Variants in RAD52 observed in about 807,000 individuals in gnomAD.
RAD52 encodes RAD52 DNA repair protein.
A neutral mutation model predicts 55.5 loss-of-function variants in RAD52; 47 were observed. The observed-to-expected ratio is 0.85, with a 90% CI of 0.67 to 1.08. The LOEUF is 1.08. Among genes scored for constraint, RAD52 ranks in the 50% least tolerant of loss-of-function variants. The pLI is 0.00. For missense variants in RAD52, 468 were observed against 522.8 expected, an observed-to-expected ratio of 0.90 and a Z score of 1.02; for synonymous variants, 184 against 198.9, an observed-to-expected ratio of 0.92 and a Z score of 0.63.
chr12:939,803 G>A (rs1408444346), intron 1 of RAD52, among the ~76,000 whole-genome samples: 12 of 152,226 alleles, frequency 7.9e-5, no homozygotes, highest in Admixed American at 6.5e-4. Context: ...CGCACCGGGC[G>A]CGGTGGCTCA....
intron 1 of RAD52, among the ~76,000 whole-genome samples, chr12:945,439 T>C (rs971158037): frequency 7.3e-5 from 11 of 151,566 alleles, no homozygotes; most frequent in Non-Finnish European, 1.0e-4. Flanking sequence ...CTCTGAAGTA[T>C]GTCTTTTTTT....
At chr12:953,095 A>G (rs1467687654), upstream of RAD52, among the ~76,000 whole-genome samples, 1 of 144,156 alleles carries the variant, frequency 6.9e-6, no homozygotes, top group African/African-American at 2.6e-5. Context: ...ACTTGAGGTC[A>G]GGAGTTTGAG....
intron 6 of RAD52, 71 bp downstream of exon 6, chr12:927,073 CA>C: frequency 2.0e-5 from 30 of 1,538,358 alleles, no homozygotes; most frequent in South Asian, 2.3e-5. Context: ...TTACCTCTTC[CA>C]AAAAAAATCG....
chr12:935,894 A>G (rs2154115985), intron 1 of RAD52, among the ~76,000 whole-genome samples: 1 of 150,514 alleles, frequency 6.6e-6, no homozygotes, highest in East Asian at 2.1e-4. Context: ...ATAAATAAAT[A>G]AATAACTAGA....
chr12:979,822 C>A (rs1045306298), intron 1 of RAD52, among the ~76,000 whole-genome samples: 1 of 152,018 alleles, frequency 6.6e-6, no homozygotes, highest in Non-Finnish European at 1.5e-5. Flanking sequence ...CTGAGGCAGG[C>A]GGATCACGAG....
At chr12:965,817 G>A (rs1958754174) in intron 1 of RAD52, among the ~76,000 whole-genome samples, 1 of 151,782 alleles carries the variant, frequency 6.6e-6, no homozygotes, top group Non-Finnish European at 1.5e-5. Flanking sequence ...CTCCTAAGTA[G>A]CTGGGATTAC....
At chr12:970,055 TC>T (rs1958820592) in intron 1 of RAD52, among the ~76,000 whole-genome samples, 1 of 98,382 alleles carries the variant, frequency 1.0e-5, no homozygotes, top group African/African-American at 3.7e-5. Flanking sequence ...ATGCCTATAA[TC>T]CCAGCACTTT....
chr12:973,606 T>A (rs1238750454), intron 1 of RAD52, among the ~76,000 whole-genome samples: 1 of 148,858 alleles, frequency 6.7e-6, no homozygotes, highest in Non-Finnish European at 1.5e-5. Flanking sequence ...GCCTCCCGAG[T>A]AGCTGGGACT....
chr12:951,391 T>G (rs1475990153), upstream of RAD52, among the ~76,000 whole-genome samples: 1 of 152,244 alleles, frequency 6.6e-6, no homozygotes, highest in Non-Finnish European at 1.5e-5. Flanking sequence ...GGATTACAGG[T>G]GTAAACCAGT....
chr12:937,817 C>G (rs1340155088), intron 1 of RAD52, among the ~76,000 whole-genome samples: 1 of 152,106 alleles, frequency 6.6e-6, no homozygotes, highest in East Asian at 1.9e-4. Context: ...TCTTTGGTAT[C>G]CAGACTACTT....
intron 1 of RAD52, among the ~76,000 whole-genome samples, chr12:982,894 G>A (rs1428710908): frequency 2.0e-5 from 3 of 151,310 alleles, no homozygotes; most frequent in African/African-American, 7.3e-5. Flanking sequence ...CCGTCAAGCA[G>A]GCTGGAGTGC....
chr12:957,628 A>T (rs1045930688), intron 1 of RAD52, among the ~76,000 whole-genome samples: 2 of 152,006 alleles, frequency 1.3e-5, no homozygotes, highest in Non-Finnish European at 2.9e-5. Flanking sequence ...TCTGCTAAAA[A>T]TACAAAACAA....
rs7301931 is a variant in RAD52 at position 913,018 on chromosome 12, T to C, written c.*373A>G. On this transcript the variant is annotated 3_prime_UTR_variant, in exon 12 of 12. Transcript: ENST00000358495. ...ATGCAAAACAACTGAATGTAGACAA[T>C]TGCTGAGGCAGGTGCTTAGGACCAA... 102,969 of 237,210 alleles carry C rather than the reference T, an allele frequency of 0.43. 22,861 individuals carry two copies. The highest frequency in any genetic ancestry group is 0.52 in the Admixed American group (9,291 of 18,002). The allele number at this position is 237,210 out of a possible 1,614,324, so 14.7% of individuals were successfully genotyped here.
At chr12:983,606 G>A (rs1959048714) in intron 1 of RAD52, among the ~76,000 whole-genome samples, 1 of 152,038 alleles carries the variant, frequency 6.6e-6, no homozygotes, top group South Asian at 2.1e-4. Context: ...TTTTAGTAGA[G>A]ACAGGGTTTC....
At chr12:958,976 T>G (rs553154728) in intron 1 of RAD52, among the ~76,000 whole-genome samples, 1 of 152,334 alleles carries the variant, frequency 6.6e-6, no homozygotes, top group Non-Finnish European at 1.5e-5. Flanking sequence ...TTTCCTGTCC[T>G]TGGCTATTGT....
At chr12:918,940 T>C (rs1048461914) in intron 7 of RAD52, among the ~76,000 whole-genome samples, 1 of 152,228 alleles carries the variant, frequency 6.6e-6, no homozygotes, top group Non-Finnish European at 1.5e-5. Context: ...TCTTAAAATA[T>C]GAACTGTACA....
intron 1 of RAD52, among the ~76,000 whole-genome samples, chr12:959,242 T>C (rs1319081032): frequency 6.6e-6 from 1 of 152,214 alleles, no homozygotes; most frequent in Admixed American, 6.5e-5. Context: ...AGATGTGAAG[T>C]AATTGGCAAG....
At chr12:973,305 G>A (rs1958892532) in intron 1 of RAD52, among the ~76,000 whole-genome samples, 1 of 152,004 alleles carries the variant, frequency 6.6e-6, no homozygotes, top group Non-Finnish European at 1.5e-5. Context: ...TCCTGACCTC[G>A]TGATCCACCC....
intron 1 of RAD52, among the ~76,000 whole-genome samples, chr12:972,111 T>G (rs1340857669): frequency 6.6e-6 from 1 of 152,158 alleles, no homozygotes; most frequent in African/African-American, 2.4e-5. Context: ...GAGGCAACGC[T>G]AACATGCAAT....
Sources: gnomAD v4.1 joint callset for allele counts (sites outside exome capture counted in the v4.1 genomes callset) on GRCh38, gnomAD v4.1.1 for gene constraint, MANE v1.5 for transcripts, NCBI Gene and HGNC (gene_info 2026-07-23, HGNC 2026-07-21) for gene names.